PALM2AKAP2: variants seen among roughly 807,000 people sequenced by gnomAD.
The protein encoded by PALM2AKAP2 is PALM2 and AKAP2 fusion, also known as PALM2-AKAP2 fusion protein.
Under a neutral mutation model 71.5 loss-of-function variants are expected in PALM2AKAP2, and 37 were observed. The ratio of observed to expected loss-of-function variants is 0.52; its 90% confidence interval spans 0.40 to 0.68. The LOEUF is 0.68. PALM2AKAP2 is among the 30% of genes least tolerant of loss of function. PALM2AKAP2 has a pLI of 0.00. For missense variants in PALM2AKAP2, 1,224 were observed against 1,191.8 expected (o/e 1.03, Z -0.40); for synonymous variants, 468 against 478.8 (o/e 0.98, Z 0.29).
chr9:109,987,440 T>A (rs940333773), intron 6 of PALM2AKAP2, among the ~76,000 whole-genome samples: 3 of 152,174 alleles, frequency 2.0e-5, no homozygotes, highest in Non-Finnish European at 2.9e-5. Flanking sequence ...GCTTTCCTTT[T>A]TCATAATGTG....
chr9:109,691,931 TATATATATACAC>T (rs1827902671), intron 1 of PALM2AKAP2, among the ~76,000 whole-genome samples: 1 of 134,008 alleles, frequency 7.5e-6, no homozygotes, highest in African/African-American at 2.8e-5. Flanking sequence ...TATACACATA[TATATATATACAC>T]ATATATATAT....
chr9:110,052,205 C>G (rs1833724987), intron 1 of PALM2AKAP2, among the ~76,000 whole-genome samples: 1 of 152,272 alleles, frequency 6.6e-6, no homozygotes, highest in South Asian at 2.1e-4. Flanking sequence ...CCCGGCCCAC[C>G]ATTTTCTTTA....
At chr9:109,713,161 C>A (rs764473895) in intron 1 of PALM2AKAP2, among the ~76,000 whole-genome samples, 1 of 152,206 alleles carries the variant, frequency 6.6e-6, no homozygotes. Context: ...AACCATCTAT[C>A]ATGGTACTTG....
intron 1 of PALM2AKAP2, among the ~76,000 whole-genome samples, chr9:109,728,462 G>A (rs888012825): frequency 6.6e-6 from 1 of 152,182 alleles, no homozygotes; most frequent in African/African-American, 2.4e-5. Flanking sequence ...AGTAAAAGAA[G>A]CGAGCTGAGA....
At chr9:109,773,117 C>CA (rs903726903) in intron 1 of PALM2AKAP2, among the ~76,000 whole-genome samples, 232 of 145,452 alleles carry the variant, frequency 1.6e-3, no homozygotes, top group African/African-American at 5.1e-3. Context: ...GACTCCATCT[C>CA]AAAAAAAAAA....
intron 6 of PALM2AKAP2, among the ~76,000 whole-genome samples, chr9:109,966,412 A>G (rs896025650): frequency 1.9e-4 from 29 of 152,254 alleles, no homozygotes; most frequent in Admixed American, 6.5e-5. Flanking sequence ...GGTACCCTGC[A>G]TTTAGTACTG....
At chr9:109,929,470 C>T (rs1052016036) in intron 5 of PALM2AKAP2, among the ~76,000 whole-genome samples, 6 of 152,160 alleles carry the variant, frequency 3.9e-5, no homozygotes, top group Non-Finnish European at 5.9e-5. Context: ...GACTACTGAC[C>T]TCAAGGTGCT....
intron 6 of PALM2AKAP2, among the ~76,000 whole-genome samples, chr9:109,974,329 C>G (rs556257113): frequency 6.6e-6 from 1 of 152,288 alleles, no homozygotes; most frequent in South Asian, 2.1e-4. Flanking sequence ...ACTGGACAAA[C>G]CAGTGGCTGT....
At chr9:109,846,993 G>T (rs79887909) in intron 1 of PALM2AKAP2, among the ~76,000 whole-genome samples, 1 of 152,184 alleles carries the variant, frequency 6.6e-6, no homozygotes, top group Admixed American at 6.5e-5. Context: ...ATGGCATTCC[G>T]TTCCACCAGC....
chr9:109,680,246 C>T (rs559167098), intron 1 of PALM2AKAP2, among the ~76,000 whole-genome samples: 2 of 152,186 alleles, frequency 1.3e-5, no homozygotes, highest in African/African-American at 4.8e-5. Context: ...TTTCTCTGAA[C>T]GAAGCCCGGG....
At chr9:110,152,411 G>A (rs1009315217) in intron 2 of PALM2AKAP2, among the ~76,000 whole-genome samples, 3 of 152,098 alleles carry the variant, frequency 2.0e-5, no homozygotes, top group Non-Finnish European at 4.4e-5. Flanking sequence ...CTGGACCTGG[G>A]GTTACTGGGG....
chr9:109,726,697 G>C (rs995407365), intron 1 of PALM2AKAP2, among the ~76,000 whole-genome samples: 2 of 152,094 alleles, frequency 1.3e-5, no homozygotes, highest in African/African-American at 4.8e-5. Flanking sequence ...CTCTCCCAAA[G>C]AAAAACAAGT....
intron 3 of PALM2AKAP2, among the ~76,000 whole-genome samples, chr9:109,898,040 G>C (rs1254877394): frequency 6.6e-6 from 1 of 152,126 alleles, no homozygotes; most frequent in Non-Finnish European, 1.5e-5. Context: ...CAGTTAAAGA[G>C]GGCAAAAATA....
chr9:110,043,702 A>T (rs1346606715), upstream of PALM2AKAP2, among the ~76,000 whole-genome samples: 1 of 129,022 alleles, frequency 7.8e-6, no homozygotes, highest in Non-Finnish European at 1.6e-5. Context: ...TCTGTAAACT[A>T]CGTTTTTTTT....
At chr9:109,928,032 C>A (rs773380349) in intron 5 of PALM2AKAP2, among the ~76,000 whole-genome samples, 27 of 152,180 alleles carry the variant, frequency 1.8e-4, no homozygotes, top group Admixed American at 1.3e-4. Context: ...GAGCGTTTCC[C>A]ACATCAAAAC....
chr9:109,923,726 G>A lies in PALM2AKAP2; in HGVS notation c.258-9G>A. On this transcript the variant is annotated splice_polypyrimidine_tract_variant and intron_variant, in intron 3 of 9. Coordinates refer to the PALM2AKAP2 transcript ENST00000302798. ...AAAGTAACTTGTCCTTTGTTTGTGT[G>A]TTTTCCAGGCTGGAGCAAGAAATAC... The A allele has an allele frequency of 6.3e-7, 1 of 1,585,788 alleles. No individual in the cohort carries two copies. The highest frequency in any genetic ancestry group is 8.5e-7 in the Non-Finnish European group (1 of 1,169,840).
chr9:109,784,873 AAAGCTTG>A (rs1456772203), intron 1 of PALM2AKAP2, among the ~76,000 whole-genome samples: 4 of 152,130 alleles, frequency 2.6e-5, no homozygotes, highest in Non-Finnish European at 5.9e-5. Context: ...TTGCAATGGG[AAAGCTTG>A]AGACAAGCCA....
At chr9:109,819,140 C>T (rs1441261956) in intron 1 of PALM2AKAP2, among the ~76,000 whole-genome samples, 1 of 152,202 alleles carries the variant, frequency 6.6e-6, no homozygotes, top group African/African-American at 2.4e-5. Flanking sequence ...TCCTGCAGAG[C>T]ATCTTATAAG....
intron 6 of PALM2AKAP2, among the ~76,000 whole-genome samples, chr9:110,011,010 A>ATATATATATATATATAT (rs1417017283): frequency 3.4e-5 from 3 of 88,964 alleles, no homozygotes; most frequent in African/African-American, 2.2e-4. Flanking sequence ...AAAAAAAAAA[A>ATATATATATATATATAT]AAAAATATAT....
Sources: allele counts gnomAD v4.1 joint callset (sites outside exome capture counted in the v4.1 genomes callset), GRCh38; gene constraint gnomAD v4.1.1; transcripts MANE v1.5; gene names NCBI Gene and HGNC (gene_info 2026-07-23, HGNC 2026-07-21).